The following PKP2 variants were observed in gnomAD, a reference collection of about 807,000 sequenced individuals.
PKP2 encodes plakophilin 2, also known as plakophilin-2.
Under a neutral mutation model 83.4 loss-of-function variants are expected in PKP2, and 73 were observed. The observed-to-expected ratio is 0.88, with a 90% CI of 0.72 to 1.06. The LOEUF is 1.06. Ranked by LOEUF, PKP2 falls within the 50% of genes least tolerant of loss-of-function variation. PKP2 has a pLI of 0.00. For missense variants in PKP2, 966 were observed against 1,065.4 expected (o/e 0.91, Z 1.30); for synonymous variants, 409 against 430.4 (o/e 0.95, Z 0.62).
At chr12:32,873,088 T>C (rs1367058403) in intron 3 of PKP2, among the ~76,000 whole-genome samples, 1 of 152,132 alleles carries the variant, frequency 6.6e-6, no homozygotes, top group Non-Finnish European at 1.5e-5. Context: ...CAGAGCACGA[T>C]GCTCTTGTGG....
chr12:32,799,048 G>C (rs1956155621), intron 10 of PKP2, among the ~76,000 whole-genome samples: 1 of 151,994 alleles, frequency 6.6e-6, no homozygotes, highest in Non-Finnish European at 1.5e-5. Context: ...AATCTACAAG[G>C]ATCTCAAAAA....
intron 1 of PKP2, among the ~76,000 whole-genome samples, chr12:32,880,881 C>G (rs1956980085): frequency 6.6e-6 from 1 of 152,098 alleles, no homozygotes; most frequent in Non-Finnish European, 1.5e-5. Flanking sequence ...TTACATTTAA[C>G]TGAAATTTTT....
chr12:32,799,480 T>C (rs1318769941), intron 10 of PKP2, among the ~76,000 whole-genome samples: 1 of 152,202 alleles, frequency 6.6e-6, no homozygotes, highest in African/African-American at 2.4e-5. Context: ...AAGACACTTG[T>C]ACATGCATGT....
In PKP2 at chr12:32,871,975, T is replaced by C. The variant is rs557628875; in HGVS notation, c.1035-2913A>G. On this transcript the variant is annotated intron_variant, in intron 3 of 12. Coordinates refer to ENST00000340811, the MANE Select transcript of PKP2 (RefSeq NM_001005242.3). ...TTCCAACTCCTTTTCTCTGTCTTCC[T>C]CCCTCCTTCTCTCTCTCCCCACTCA... Among the ~76,000 whole-genome samples, 22 of 152,232 alleles carry C rather than the reference T, an allele frequency of 1.4e-4. No individual in the cohort carries two copies. In the South Asian group the frequency reaches 4.4e-3, roughly 30 times the overall value.
Position 32,841,011 on chromosome 12 carries a change from G to A in PKP2, c.1556+17C>T, listed in dbSNP as rs753732310. The A allele has an allele frequency of 1.2e-6, 2 of 1,602,080 alleles. No homozygotes were observed. Among genetic ancestry groups the A allele is most frequent in the Non-Finnish European group, 1.7e-6 (2 of 1,170,748 alleles). On this transcript the variant is annotated intron_variant, in intron 6 of 12. Transcript: ENST00000340811. ...TTTATTGCATCTTCTATCAGGGCAG[G>A]GTACAGGTAGCATTACCTTAGGCAT...
In PKP2 at chr12:32,878,341, T is replaced by C; in HGVS notation, c.539A>G (p.His180Arg). ...QRSQAGHTLHHQESRRAALLV... is the reference protein window; with the variant it reads ...QRSQAGHTLHRQESRRAALLV... ...GAGGGCGGCCCGCCTGCTTTCTTGGTGGTGCAGGGTGTGCCCAGCCTGGCT... is the reference window on the plus strand; with the variant it reads ...GAGGGCGGCCCGCCTGCTTTCTTGGCGGTGCAGGGTGTGCCCAGCCTGGCT... The change falls in exon 3 of 13, where the codon CAC (histidine) becomes CGC (arginine). Residue 180 changes from histidine to arginine, a missense_variant. Physicochemically the swap from His to Arg is conservative, Grantham distance 29 (BLOSUM62 0). Coordinates refer to ENST00000340811, the MANE Select transcript of PKP2 (RefSeq NM_001005242.3). The C allele has an allele frequency of 5.6e-6, 9 of 1,613,104 alleles. No individual in the cohort carries two copies. The highest frequency in any genetic ancestry group is 7.6e-6 in the Non-Finnish European group (9 of 1,179,970).
intron 6 of PKP2, chr12:32,824,395 C>A: frequency 1.9e-6 from 1 of 522,412 alleles, no homozygotes; most frequent in South Asian, 2.1e-5. Flanking sequence ...TTCTACTTCA[C>A]TCCAAGTACC....
chr12:32,799,319 C>A (rs1188149140), intron 10 of PKP2, among the ~76,000 whole-genome samples: 1 of 152,190 alleles, frequency 6.6e-6, no homozygotes, highest in East Asian at 1.9e-4. Flanking sequence ...AAAGGGAACA[C>A]TTCTACACTG....
chr12:32,828,928 AT>A (rs11316792), intron 6 of PKP2, among the ~76,000 whole-genome samples: 27,004 of 151,484 alleles, frequency 0.18, 3,044 homozygotes, highest in African/African-American at 0.32. Context: ...GGAGGCAGAA[AT>A]TTTTTTTTGT....
intron 1 of PKP2, among the ~76,000 whole-genome samples, chr12:32,893,015 C>T (rs1357675953): frequency 6.6e-6 from 1 of 152,118 alleles, no homozygotes; most frequent in Non-Finnish European, 1.5e-5. Flanking sequence ...AGGCCCCTTC[C>T]CAAAGAGTTA....
chr12:32,802,465 T>C lies in PKP2; in HGVS notation c.2105A>G (p.Lys702Arg). 1 of 1,614,152 alleles carries C rather than the reference T, an allele frequency of 6.2e-7. No individual in the cohort carries two copies. The highest frequency in any genetic ancestry group is 1.1e-5 in the South Asian group (1 of 91,088). ...CCTCAGCAGCGAGATGGCTGTCTTT[T>C]TCACACTTGGGTCACCAACATGCAG... ...KMLHVGDPSV[K>R]KTAISLLRNL... The change falls in exon 10 of 13, where the codon AAA (lysine) becomes AGA (arginine). Residue 702 changes from lysine to arginine, a missense_variant. By Grantham distance (26) the Lys-to-Arg change is conservative. Transcript: ENST00000340811.
intron 11 of PKP2, among the ~76,000 whole-genome samples, chr12:32,794,980 T>C (rs1465619011): frequency 2.0e-5 from 3 of 152,238 alleles, no homozygotes; most frequent in Non-Finnish European, 2.9e-5. Flanking sequence ...GGTGAAGTCA[T>C]CTGCTTTGTA....
At chr12:32,856,234 G>C (rs922632833) in intron 4 of PKP2, among the ~76,000 whole-genome samples, 1 of 152,120 alleles carries the variant, frequency 6.6e-6, no homozygotes, top group African/African-American at 2.4e-5. Context: ...GGGTCTTACA[G>C]ACTAAATTAA....
intron 6 of PKP2, among the ~76,000 whole-genome samples, chr12:32,837,036 A>G (rs1057439513): frequency 6.6e-6 from 1 of 152,194 alleles, no homozygotes; most frequent in African/African-American, 2.4e-5. Flanking sequence ...TCATCTTTGT[A>G]TCTTCTTTGA....
intron 9 of PKP2, among the ~76,000 whole-genome samples, chr12:32,803,418 T>C (rs1956200285): frequency 6.6e-6 from 1 of 152,136 alleles, no homozygotes; most frequent in Non-Finnish European, 1.5e-5. Flanking sequence ...TTGGATTTAA[T>C]TAGGTTATTA....
intron 5 of PKP2, chr12:32,843,343 C>T (rs777613375): frequency 1.5e-6 from 2 of 1,363,238 alleles, no homozygotes; most frequent in Non-Finnish European, 2.0e-6. Flanking sequence ...AGCATAGGTA[C>T]TCAGGGCAGG....
intron 1 of PKP2, 85 bp from the exon 2 acceptor site, chr12:32,879,117 C>T (rs1956963105): frequency 1.3e-6 from 1 of 798,920 alleles, no homozygotes; most frequent in Non-Finnish European, 2.2e-6. Flanking sequence ...ATGTATTAAA[C>T]TTTTAAATTT....
In PKP2 at chr12:32,843,496, A is replaced by G. The variant is rs370201925; in HGVS notation, c.1379-2291T>C. ...TTGGTCCAACCAATTAGAACACATT[A>G]GGCTTCATGCAGTCTTTTGGGCTTA... On this transcript the variant is annotated intron_variant, in intron 5 of 12. Transcript: ENST00000340811. 1.2e-4 allele frequency among the ~76,000 whole-genome samples: 18 copies of G among 152,220 alleles called. No individual in the cohort carries two copies. The East Asian group carries it at 2.3e-3, about 20-fold the overall frequency.
chr12:32,883,508 A>C (rs1223667891), intron 1 of PKP2, among the ~76,000 whole-genome samples: 1 of 152,246 alleles, frequency 6.6e-6, no homozygotes, highest in Non-Finnish European at 1.5e-5. Context: ...AAAATAACTC[A>C]GCCATGTCCT....
Sources: allele counts gnomAD v4.1 joint callset (sites outside exome capture counted in the v4.1 genomes callset), GRCh38; gene constraint gnomAD v4.1.1; transcripts MANE v1.5; gene names NCBI Gene and HGNC (gene_info 2026-07-23, HGNC 2026-07-21).